Variants in DLGAP2 observed in about 807,000 individuals in gnomAD.
DLGAP2 encodes DLG associated protein 2.
In DLGAP2, 26 loss-of-function variants were observed where a neutral mutation model predicts 100.3. The observed-to-expected ratio is 0.26, with a 90% CI of 0.19 to 0.36. The LOEUF is 0.36. Ranked by LOEUF, DLGAP2 falls within the 10% of genes least tolerant of loss-of-function variation. The pLI is 1.00. For missense variants in DLGAP2, 1,858 were observed against 1,453.2 expected (o/e 1.28, Z -4.53); for synonymous variants, 886 against 630.1 (o/e 1.41, Z -6.08).
intron 3 of DLGAP2, among the ~76,000 whole-genome samples, chr8:1,474,735 C>T (rs1019577258): frequency 6.6e-6 from 1 of 152,156 alleles, no homozygotes; most frequent in Non-Finnish European, 1.5e-5. Flanking sequence ...ACCTGTTTAA[C>T]AGGTTGGCAA....
chr8:1,647,376 C>G (rs1400843661), intron 8 of DLGAP2, among the ~76,000 whole-genome samples: 1 of 151,432 alleles, frequency 6.6e-6, no homozygotes, highest in African/African-American at 2.4e-5. Flanking sequence ...GTAGTCCCAG[C>G]TACTCAGGAG....
At position 950,952 on chromosome 8, in the gene DLGAP2, A is replaced by T. The variant is rs143052674; in HGVS notation, c.73+42986A>T. On this transcript the variant is annotated intron_variant, in intron 2 of 14. Transcript: ENST00000637795. ...GAATATTTCTTATATTAAAAGATCG[A>T]GTGAAGCCAAGGAAAAATTCACCTG... Among the ~76,000 whole-genome samples, 273 of 152,210 alleles carry T rather than the reference A, an allele frequency of 1.8e-3. 1 individual carries two copies. Among genetic ancestry groups the T allele is most frequent in the Non-Finnish European group, 2.8e-3 (192 of 68,036 alleles).
chr8:1,669,821 T>C (rs775375895), intron 10 of DLGAP2, 37 bp downstream of exon 10: 40 of 780,798 alleles, frequency 5.1e-5, no homozygotes, highest in Admixed American at 1.4e-4. Context: ...CGCGTCCGCA[T>C]GACTTTCATT....
At chr8:1,343,182 C>T (rs1017834714) in intron 3 of DLGAP2, among the ~76,000 whole-genome samples, 7 of 152,168 alleles carry the variant, frequency 4.6e-5, no homozygotes, top group Non-Finnish European at 1.0e-4. Context: ...CACAGAAAAG[C>T]AGTGTGCATG....
At chr8:1,045,096 G>C (rs368338014) in intron 2 of DLGAP2, among the ~76,000 whole-genome samples, 1 of 152,184 alleles carries the variant, frequency 6.6e-6, no homozygotes, top group Non-Finnish European at 1.5e-5. Context: ...CTGAATGCCC[G>C]GTCCATTCCC....
intron 2 of DLGAP2, among the ~76,000 whole-genome samples, chr8:924,784 C>G (rs1214878484): frequency 6.6e-6 from 1 of 151,964 alleles, no homozygotes; most frequent in African/African-American, 2.4e-5. Flanking sequence ...TGGGGTTTCT[C>G]TGTGTTGGTT....
At chr8:1,221,902 C>G (rs1013434870) in intron 2 of DLGAP2, among the ~76,000 whole-genome samples, 3 of 152,202 alleles carry the variant, frequency 2.0e-5, no homozygotes, top group Non-Finnish European at 2.9e-5. Flanking sequence ...ATTAATGCTT[C>G]TAATTGCATT....
intron 8 of DLGAP2, among the ~76,000 whole-genome samples, chr8:1,639,452 G>T (rs556159695): frequency 6.6e-6 from 1 of 152,324 alleles, no homozygotes; most frequent in African/African-American, 2.4e-5. Context: ...CGGAGCAGCA[G>T]GGGTCCTGTG....
At chr8:1,254,769 G>T (rs1036994698) in intron 2 of DLGAP2, among the ~76,000 whole-genome samples, 1 of 152,136 alleles carries the variant, frequency 6.6e-6, no homozygotes, top group African/African-American at 2.4e-5. Context: ...CAGAGTTGTT[G>T]ACTTTTGGAT....
At chr8:1,121,524 C>A (rs1392794806) in intron 2 of DLGAP2, among the ~76,000 whole-genome samples, 1 of 151,894 alleles carries the variant, frequency 6.6e-6, no homozygotes, top group Admixed American at 6.6e-5. Context: ...CCATTACCAC[C>A]TATCCTTGTT....
intron 6 of DLGAP2, chr8:1,621,954 A>T (rs959473973): frequency 2.0e-5 from 3 of 152,226 alleles, no homozygotes; most frequent in African/African-American, 7.2e-5. Context: ...ATCTCCTGCA[A>T]GGGCACAGAA....
Position 993,496 on chromosome 8 carries a change from G to C in DLGAP2, c.73+85530G>C, listed in dbSNP as rs747462989. 1.1e-3 allele frequency among the ~76,000 whole-genome samples: 91 copies of C among 82,356 alleles called. 25 individuals are homozygous for C. The highest frequency in any genetic ancestry group is 1.4e-3 in the Non-Finnish European group (51 of 35,808). The allele number at this position is 82,356 out of a possible 152,430, so 54.0% of individuals were successfully genotyped here. On this transcript the variant is annotated intron_variant, in intron 2 of 14. Coordinates refer to ENST00000637795, the MANE Select transcript of DLGAP2 (RefSeq NM_001346810.2). ...CTGTTCTTCTCTCCCTCCTTGCCTG[G>C]ACCCCCTGCACCCCCATACTCGGAG...
At chr8:1,232,121 A>C (rs956402721) in intron 2 of DLGAP2, among the ~76,000 whole-genome samples, 2 of 152,198 alleles carry the variant, frequency 1.3e-5, no homozygotes, top group African/African-American at 4.8e-5. Context: ...TGGTTATTTG[A>C]GGAGCTCTCA....
intron 6 of DLGAP2, among the ~76,000 whole-genome samples, chr8:1,594,109 G>A (rs1193830427): frequency 6.6e-6 from 1 of 152,154 alleles, no homozygotes; most frequent in South Asian, 2.1e-4. Flanking sequence ...GAAAGAATTG[G>A]CTGAGACCCT....
chr8:1,700,586 G>C (rs911080316), intron 14 of DLGAP2, among the ~76,000 whole-genome samples: 4 of 151,668 alleles, frequency 2.6e-5, no homozygotes, highest in African/African-American at 9.7e-5. Flanking sequence ...CTGAGAGTCT[G>C]AGCTAAGGGT....
chr8:1,481,471 C>CTTTT lies in DLGAP2; in HGVS notation c.107-19874_107-19871dup, dbSNP rs1165790168. 8.3e-3 allele frequency among the ~76,000 whole-genome samples: 360 copies of CTTTT among 43,630 alleles called. 6 individuals carry two copies. Among genetic ancestry groups the CTTTT allele is most frequent in the Middle Eastern group, 0.019 (1 of 52 alleles). 28.6% of individuals were successfully genotyped at this position (43,630 alleles called of 152,430 possible). ...GGATTTTCTTTTTCTTTTTCTTTTT[C>CTTTT]TTTTTTTTTTTTTTTTTTTTTTTTG... On this transcript the variant is annotated intron_variant, in intron 3 of 14. Transcript: ENST00000637795.
intron 2 of DLGAP2, among the ~76,000 whole-genome samples, chr8:937,020 T>C (rs181734604): frequency 1.5e-4 from 23 of 152,344 alleles, no homozygotes; most frequent in Admixed American, 1.3e-3. Context: ...GCGGGACCTG[T>C]TTCTGTGTAC....
chr8:956,812 G>A (rs1442826723), intron 2 of DLGAP2, among the ~76,000 whole-genome samples: 1 of 152,222 alleles, frequency 6.6e-6, no homozygotes, highest in East Asian at 1.9e-4. Flanking sequence ...GTGCACATGT[G>A]TCACTGTTTA....
intron 2 of DLGAP2, among the ~76,000 whole-genome samples, chr8:1,237,409 A>ATCACATGGTGCCGTGTCTAGTTCTC (rs1798686020): frequency 5.0e-5 from 1 of 20,088 alleles, no homozygotes; most frequent in African/African-American, 2.4e-4. Context: ...CTAGTTACCT[A>ATCACATGGTGCCGTGTCTAGTTCTC]TCACATGGTG....
Sources: gnomAD v4.1 joint callset for allele counts (sites outside exome capture counted in the v4.1 genomes callset) on GRCh38, gnomAD v4.1.1 for gene constraint, MANE v1.5 for transcripts, NCBI Gene and HGNC (gene_info 2026-07-23, HGNC 2026-07-21) for gene names.